ELN: variants seen among roughly 807,000 people sequenced by gnomAD.
ELN encodes tropoelastin.
Under a neutral mutation model 105.8 loss-of-function variants are expected in ELN, and 65 were observed. The ratio of observed to expected loss-of-function variants is 0.61; its 90% confidence interval spans 0.50 to 0.75. The LOEUF is 0.75. Among genes scored for constraint, ELN ranks in the 30% least tolerant of loss-of-function variants. The probability of loss-of-function intolerance (pLI) is 0.00; values close to 1 mark genes in which losing one functional copy is unlikely to be tolerated. For missense variants in ELN, 882 were observed against 969.4 expected (o/e 0.91, Z 1.20); for synonymous variants, 368 against 389.2 (o/e 0.95, Z 0.64).
chr7:74,049,068 T>TATCAATCCATCCATCCATCCATCCATCC (rs1793270588), intron 15 of ELN, among the ~76,000 whole-genome samples: 1 of 132,984 alleles, frequency 7.5e-6, no homozygotes, highest in African/African-American at 2.9e-5. Context: ...TCCATCCATC[T>TATCAATCCATCCATCCATCCATCCATCC]ATCCATCCAT....
chr7:74,067,974 A>T (rs1481823990), intron 32 of ELN, among the ~76,000 whole-genome samples: 1 of 147,264 alleles, frequency 6.8e-6, no homozygotes, highest in African/African-American at 2.5e-5. Context: ...TCAGAGGCAG[A>T]TGTCTGTTCC....
intron 1 of ELN, among the ~76,000 whole-genome samples, chr7:74,032,980 CTT>C (rs2131035564): frequency 6.6e-6 from 1 of 152,340 alleles, no homozygotes; most frequent in South Asian, 2.1e-4. Flanking sequence ...GTGCCACTGT[CTT>C]TTTATTTTTG....
In ELN at chr7:74,047,731, T is replaced by C; in HGVS notation, c.685+15T>C. On this transcript the variant is annotated intron_variant, in intron 13 of 32. Transcript: ENST00000252034. ...ACTGCCCTATGGTGAGTGAGACCCTTCTAGACTGTGGGCTTCCAGCTCTTT... is the reference window on the plus strand; with the variant it reads ...ACTGCCCTATGGTGAGTGAGACCCTCCTAGACTGTGGGCTTCCAGCTCTTT... The C allele has an allele frequency of 6.2e-7, 1 of 1,614,072 alleles. No individual in the cohort carries two copies. The highest frequency in any genetic ancestry group is 1.1e-5 in the South Asian group (1 of 91,086).
Position 74,037,750 on chromosome 7 carries a change from A to G in ELN, c.196+11A>G. ...AACCTCTTAAGCCAGGTAAGACCCAAGGCCTCGGAGCATTGAGAGACAGCG... is the reference window on the plus strand; with the variant it reads ...AACCTCTTAAGCCAGGTAAGACCCAGGGCCTCGGAGCATTGAGAGACAGCG... On this transcript the variant is annotated intron_variant, in intron 4 of 32. Coordinates refer to ENST00000252034, the MANE Select transcript of ELN (RefSeq NM_000501.4). The G allele has an allele frequency of 1.9e-6, 3 of 1,611,054 alleles. No homozygotes were observed. The highest frequency in any genetic ancestry group is 2.5e-6 in the Non-Finnish European group (3 of 1,178,752).
chr7:74,056,555 G>C, intron 20 of ELN, 117 bp from the exon 21 acceptor site: 1 of 1,599,396 alleles, frequency 6.3e-7, no homozygotes, highest in East Asian at 2.2e-5. Context: ...GGGAGGAGTT[G>C]GGGGAGAAGA....
chr7:74,033,778 A>G (rs1268462595), intron 1 of ELN, among the ~76,000 whole-genome samples: 4 of 152,150 alleles, frequency 2.6e-5, no homozygotes, highest in Non-Finnish European at 5.9e-5. Flanking sequence ...CATTGCAGAG[A>G]CACCCGTTCC....
intron 11 of ELN, 111 bp downstream of exon 11, chr7:74,046,328 C>A (rs1792517484): frequency 1.4e-6 from 2 of 1,477,326 alleles, no homozygotes; most frequent in African/African-American, 1.4e-5. Context: ...TTCTCCCACG[C>A]CTGCAGAGCC....
At chr7:74,050,330 TATCCATCCATCCATTCATCCATCCACTC>T (rs1793740682) in intron 15 of ELN, among the ~76,000 whole-genome samples, 2 of 109,220 alleles carry the variant, frequency 1.8e-5, no homozygotes, top group South Asian at 3.3e-4. Context: ...TGCATCCATC[TATCCATCCATCCATTCATCCATCCACTC>T]ATCCATCCAT....
chr7:74,042,640 T>C lies in ELN; in HGVS notation c.259T>C (p.Phe87Leu), dbSNP rs140411170. The change falls in exon 6 of 33, where the codon TTT (phenylalanine) becomes CTT (leucine). Residue 87 changes from phenylalanine to leucine, a missense_variant. Coordinates refer to ENST00000252034, the MANE Select transcript of ELN (RefSeq NM_000501.4). ...AGLGAFPAVT[F>L]PGALVPGGVA... ...GCTCGGCGCCTTCCCCGCAGTTACC[T>C]TTCCGGGGGCTCTGGTGCCTGGTGG... 5.9e-4 allele frequency: 951 copies of C among 1,613,662 alleles called. 2 individuals are homozygous for C. The highest frequency in any genetic ancestry group is 3.8e-4 in the South Asian group (35 of 91,078).
At chr7:74,056,227 C>T (rs1583903424) in intron 19 of ELN, 44 bp from the exon 20 acceptor site, 1 of 1,613,930 alleles carries the variant, frequency 6.2e-7, no homozygotes, top group Non-Finnish European at 8.5e-7. Flanking sequence ...CGCCCAGCCT[C>T]TCTCACTGAG....
At position 74,057,716 on chromosome 7, in the gene ELN, G is replaced by A. The variant is rs200995478; in HGVS notation, c.1414+20G>A. 9.6e-4 allele frequency: 1,541 copies of A among 1,612,604 alleles called. 24 individuals are homozygous for A. In the South Asian group the frequency reaches 0.014, roughly 14 times the overall value. The stretch of plus-strand genomic sequence containing the variant: ...AGTTTGGTAAGTCCCCCTCACCCCC[G>A]CCACTGGCTCACGGAGAACTGCTTT... On this transcript the variant is annotated intron_variant, in intron 22 of 32. Coordinates refer to ENST00000252034, the MANE Select transcript of ELN (RefSeq NM_000501.4).
intron 15 of ELN, among the ~76,000 whole-genome samples, chr7:74,051,454 C>T (rs1794010116): frequency 6.6e-6 from 1 of 152,176 alleles, no homozygotes; most frequent in Admixed American, 6.5e-5. Flanking sequence ...TGCAGGGGAC[C>T]CTCTGGCCCA....
chr7:74,043,202 G>A, intron 8 of ELN, 34 bp downstream of exon 8: 1 of 1,561,584 alleles, frequency 6.4e-7, no homozygotes, highest in South Asian at 1.2e-5. Context: ...GGAGGACAGA[G>A]GGCAGGGAGG....
chr7:74,053,973 GGTAGATGGGTGGATGAATGA>G (rs1289873110), intron 18 of ELN, among the ~76,000 whole-genome samples: 1 of 152,078 alleles, frequency 6.6e-6, no homozygotes, highest in Non-Finnish European at 1.5e-5. Context: ...TGGATGAATG[GGTAGATGGGTGGATGAATGA>G]GCACATGGTT....
At chr7:74,045,086 AC>A in intron 9 of ELN, 135 bp from the exon 10 acceptor site, 1 of 931,910 alleles carries the variant, frequency 1.1e-6, no homozygotes, top group South Asian at 1.3e-5. Context: ...TCCTTTCTCC[AC>A]CCACCCCGTG....
chr7:74,063,643 C>G lies in ELN; in HGVS notation c.1941C>G (p.Leu647=), dbSNP rs782117709. 2 of 1,614,142 alleles carry G rather than the reference C, an allele frequency of 1.2e-6. No individual in the cohort carries two copies. Among genetic ancestry groups the G allele is most frequent in the Non-Finnish European group, 1.7e-6 (2 of 1,180,032 alleles). Residue 647 remains leucine, a synonymous_variant, in exon 29 of 33, where the codon CTC becomes CTG. Coordinates refer to ENST00000252034, the MANE Select transcript of ELN (RefSeq NM_000501.4). This position sits in a 1 kb window ranked among gnomAD's most constrained non-coding sequence, Gnocchi z 4.1. ...AQFGLVGAAG[L]GGLGVGGLGV... is the part of the protein sequence containing the mutation. ...CAGGCCTAGTGGGAGCCGCTGGGCT[C>G]GGAGGACTCGGAGTCGGAGGGCTTG... is the stretch of plus-strand genomic sequence containing the variant.
chr7:74,041,303 C>T (rs781830593), intron 5 of ELN, 52 bp downstream of exon 5: 4 of 1,608,028 alleles, frequency 2.5e-6, no homozygotes, highest in Non-Finnish European at 3.4e-6. Context: ...AGCCCCTGAG[C>T]TCAACCCAGG....
intron 1 of ELN, among the ~76,000 whole-genome samples, 197 bp from the exon 2 acceptor site, chr7:74,035,167 G>A (rs1789607077): frequency 6.6e-6 from 1 of 152,224 alleles, no homozygotes; most frequent in South Asian, 2.1e-4. Flanking sequence ...CGATTTCAAA[G>A]AGCAAGAATG....
At chr7:74,044,250 A>G (rs1027217739) in intron 9 of ELN, among the ~76,000 whole-genome samples, 1 of 149,780 alleles carries the variant, frequency 6.7e-6, no homozygotes, top group Non-Finnish European at 1.5e-5. Context: ...CAAAACAAAG[A>G]AAAAGAAAAA....
Sources: gnomAD v4.1 joint callset for allele counts (sites outside exome capture counted in the v4.1 genomes callset) on GRCh38, gnomAD v4.1.1 for gene constraint, Gnocchi (gnomAD v3.1) non-coding constraint, MANE v1.5 for transcripts, NCBI Gene and HGNC (gene_info 2026-07-23, HGNC 2026-07-21) for gene names.